The following RARB variants were observed in gnomAD, a reference collection of about 807,000 sequenced individuals.
RARB encodes the protein HBV-activated protein.
RARB carries 17 observed loss-of-function variants against 51.9 expected under a neutral mutation model. The ratio of observed to expected loss-of-function variants is 0.33; its 90% CI spans 0.22 to 0.49. The LOEUF is 0.49. RARB is among the 20% of genes least tolerant of loss of function. The probability of loss-of-function intolerance (pLI) is 0.99; values close to 1 mark genes in which losing one functional copy is unlikely to be tolerated. For missense variants in RARB, 369 were observed against 550.8 expected, an observed-to-expected ratio of 0.67 and a Z score of 3.30; for synonymous variants, 215 against 195.4, an observed-to-expected ratio of 1.10 and a Z score of -0.84.
At chr3:25,275,660 T>C (rs1165079130) in intron 5 of RARB, among the ~76,000 whole-genome samples, 1 of 152,128 alleles carries the variant, frequency 6.6e-6, no homozygotes, top group Non-Finnish European at 1.5e-5. Context: ...ATCTTGGTCA[T>C]AGCTGAATCT....
chr3:24,968,360 T>C (rs1478349352), intron 2 of RARB, among the ~76,000 whole-genome samples: 1 of 152,286 alleles, frequency 6.6e-6, no homozygotes, highest in Non-Finnish European at 1.5e-5. Context: ...TTCTCTTGTT[T>C]CCCATGACTA....
chr3:24,964,135 C>T (rs76934223), intron 2 of RARB, among the ~76,000 whole-genome samples: 3,924 of 151,782 alleles, frequency 0.026, 169 homozygotes, highest in African/African-American at 0.089. Context: ...GATTTCCACC[C>T]CCCCACCCCA....
At chr3:25,348,572 A>G (rs1386506020) in intron 5 of RARB, among the ~76,000 whole-genome samples, 1 of 152,170 alleles carries the variant, frequency 6.6e-6, no homozygotes, top group Non-Finnish European at 1.5e-5. Context: ...CTGAAAGTGA[A>G]TGAACAAGTA....
intron 2 of RARB, among the ~76,000 whole-genome samples, chr3:24,896,969 T>C (rs1361638901): frequency 1.3e-5 from 2 of 152,154 alleles, no homozygotes; most frequent in Non-Finnish European, 2.9e-5. Context: ...AAACAACACA[T>C]CTTGATTTGT....
chr3:25,011,946 C>G (rs1284897638), intron 2 of RARB, among the ~76,000 whole-genome samples: 1 of 151,958 alleles, frequency 6.6e-6, no homozygotes, highest in East Asian at 1.9e-4. Flanking sequence ...TTGTTTCATG[C>G]AAAGGTCATA....
At chr3:25,538,973 C>T (rs754944465) in intron 3 of RARB, among the ~76,000 whole-genome samples, 2 of 152,202 alleles carry the variant, frequency 1.3e-5, no homozygotes, top group Non-Finnish European at 2.9e-5. Flanking sequence ...CAAGTTGAAG[C>T]AAGCTTAATT....
chr3:25,572,199 T>C (rs1049554705), intron 4 of RARB, among the ~76,000 whole-genome samples: 2 of 151,970 alleles, frequency 1.3e-5, no homozygotes, highest in Non-Finnish European at 1.5e-5. Context: ...AAGTGGGAAG[T>C]GAGAATGGGA....
chr3:25,428,386 C>T lies in RARB; in HGVS notation c.-346C>T, dbSNP rs560596111. On this transcript the variant is annotated 5_prime_UTR_variant, in exon 1 of 8. The change creates a premature stop within an existing upstream ORF in the 5' untranslated region. Coordinates refer to ENST00000330688, the MANE Select transcript of RARB (RefSeq NM_000965.5). Reference sequence around the variant, plus strand: ...TGGGATGCCGAGAACGCGAGCGATCCGAGCAGGGTTTGTCTGGGCACCGTC... The same window carrying T: ...TGGGATGCCGAGAACGCGAGCGATCTGAGCAGGGTTTGTCTGGGCACCGTC... 2.4e-6 allele frequency: 3 copies of T among 1,248,444 alleles called. No homozygotes were observed. Among genetic ancestry groups the T allele is most frequent in the African/African-American group, 3.1e-5 (2 of 64,968 alleles). 77.3% of individuals were successfully genotyped at this position (1,248,444 alleles called of 1,614,324 possible).
At chr3:24,925,281 A>G (rs980128965) in intron 2 of RARB, among the ~76,000 whole-genome samples, 15 of 152,104 alleles carry the variant, frequency 9.9e-5, no homozygotes, top group African/African-American at 3.4e-4. Flanking sequence ...AAAATATGAC[A>G]AACTCCATTA....
intron 1 of RARB, among the ~76,000 whole-genome samples, chr3:25,436,799 C>A (rs1708454282): frequency 6.6e-6 from 1 of 152,184 alleles, no homozygotes; most frequent in African/African-American, 2.4e-5. Context: ...GTGAAAAGTT[C>A]TCCCTTTCCA....
chr3:25,250,656 G>A (rs1342044206), intron 5 of RARB, among the ~76,000 whole-genome samples: 1 of 152,136 alleles, frequency 6.6e-6, no homozygotes, highest in African/African-American at 2.4e-5. Context: ...CAGAAATGTG[G>A]AGATGAAGAG....
intron 4 of RARB, among the ~76,000 whole-genome samples, chr3:25,163,504 A>AAAAAAAAAAAAAAATAT (rs1303712411): frequency 5.3e-5 from 7 of 131,120 alleles, no homozygotes; most frequent in African/African-American, 1.9e-4. Context: ...CCTATCTCAA[A>AAAAAAAAAAAAAAATAT]ATATATATAT....
intron 5 of RARB, among the ~76,000 whole-genome samples, chr3:25,393,245 G>A (rs1707022598): frequency 6.6e-6 from 1 of 151,914 alleles, no homozygotes; most frequent in East Asian, 1.9e-4. Context: ...AAACCCACTT[G>A]ATCATTGCGG....
intron 5 of RARB, among the ~76,000 whole-genome samples, chr3:25,348,063 C>G (rs1165759977): frequency 6.6e-6 from 1 of 152,086 alleles, no homozygotes; most frequent in East Asian, 1.9e-4. Context: ...TGTGGCCAAC[C>G]TATATCTTCC....
intron 6 of RARB, 70 bp downstream of exon 6, chr3:25,593,777 T>A: frequency 6.9e-7 from 1 of 1,454,602 alleles, no homozygotes; most frequent in Non-Finnish European, 9.5e-7. Context: ...TTGTGAAAAA[T>A]TCCTCATTTC....
rs1215650696 is a variant in RARB, at chr3:25,597,747, T to TCTTAGTTCTCATTTA, written c.*1132_*1146dup. 7 of 152,250 alleles carry TCTTAGTTCTCATTTA rather than the reference T, an allele frequency of 4.6e-5. No individual in the cohort carries two copies. The highest frequency in any genetic ancestry group is 1.7e-4 in the African/African-American group (7 of 41,324). The allele number at this position is 152,250 out of a possible 1,614,324, so 9.4% of individuals were successfully genotyped here. A position where few individuals can be genotyped will look rare whatever the true frequency, so the allele number is the denominator to read the frequency against. Reference sequence around the variant, plus strand: ...TGGTTAACAGATACAAGTGTCAGTTTCTTAGTTCTCATTTAAGCACTAGTG... The same window carrying TCTTAGTTCTCATTTA: ...TGGTTAACAGATACAAGTGTCAGTTTCTTAGTTCTCATTTACTTAGTTCTCATTTAAGCACTAGTG... On this transcript the variant is annotated 3_prime_UTR_variant, in exon 8 of 8. Transcript: ENST00000330688.
rs558693072 is a variant in RARB, at chr3:24,891,936, G to A, written c.-380+33184G>A. 2.0e-5 allele frequency among the ~76,000 whole-genome samples: 3 copies of A among 152,278 alleles called. No individual in the cohort carries two copies. The South Asian group carries it at 6.2e-4, about 32-fold the overall frequency. On this transcript the variant is annotated intron_variant, in intron 2 of 11. Coordinates refer to the RARB transcript ENST00000383772. ...TTCTGGAGCTGCACCCACAGAAGTA[G>A]ATGGGGGACAGTGGTTGAGAATTTA...
intron 5 of RARB, among the ~76,000 whole-genome samples, chr3:25,190,435 T>C (rs1332251433): frequency 6.6e-6 from 1 of 152,120 alleles, no homozygotes; most frequent in Admixed American, 6.6e-5. Context: ...TGGGTAGAAG[T>C]GTAAAGTATT....
At chr3:25,346,452 T>C (rs143771609) in intron 5 of RARB, among the ~76,000 whole-genome samples, 218 of 152,314 alleles carry the variant, frequency 1.4e-3, no homozygotes, top group Middle Eastern at 3.4e-3. Context: ...TGATTAAAAA[T>C]TGATGGCTAA....
Sources: allele counts gnomAD v4.1 joint callset (sites outside exome capture counted in the v4.1 genomes callset), GRCh38; gene constraint gnomAD v4.1.1; transcripts MANE v1.5; gene names NCBI Gene and HGNC (gene_info 2026-07-23, HGNC 2026-07-21).